SMS: variants seen among roughly 807,000 people sequenced by gnomAD.
The protein encoded by SMS is spermine synthase.
Under a neutral mutation model 33.0 loss-of-function variants are expected in SMS, and 3 were observed. The observed-to-expected ratio is 0.09, with a 90% CI of 0.04 to 0.23. SMS has a LOEUF of 0.23. SMS is among the 10% of genes least tolerant of loss of function. The pLI is 1.00. For synonymous variants in SMS, 103 were observed against 112.2 expected (o/e 0.92, Z 0.52); for missense variants, 117 against 288.6 (o/e 0.41, Z 4.31).
intron 2 of SMS, among the ~76,000 whole-genome samples, chrX:21,969,752 G>A (rs751014543): frequency 1.3e-4 from 15 of 112,659 alleles, no homozygotes; most frequent in East Asian, 2.8e-4. Flanking sequence ...AGAGCTGTTC[G>A]GAAACTGCTT....
intron 1 of SMS, among the ~76,000 whole-genome samples, chrX:21,949,561 CTTTGA>C (rs1246905672): frequency 8.9e-6 from 1 of 112,173 alleles, no homozygotes; most frequent in Non-Finnish European, 1.9e-5. Context: ...TAAAAGGACA[CTTTGA>C]TTTAAGATAT....
intron 1 of SMS, among the ~76,000 whole-genome samples, chrX:21,954,111 G>T (rs1211728191): frequency 9.0e-6 from 1 of 111,412 alleles, no homozygotes; most frequent in African/African-American, 3.3e-5. Flanking sequence ...TTGGTTGTTA[G>T]CTGTTCTTTT....
intron 1 of SMS, among the ~76,000 whole-genome samples, chrX:21,947,054 C>G (rs1490690556): frequency 8.9e-6 from 1 of 111,874 alleles, no homozygotes; most frequent in Non-Finnish European, 1.9e-5. Flanking sequence ...CCCACGCTCC[C>G]CTGTATTTGA....
In SMS at chrX:21,977,243, A is replaced by G; in HGVS notation, c.505+7A>G. 1.7e-6 allele frequency: 2 copies of G among 1,184,794 alleles called. No individual in the cohort carries two copies. The highest frequency in any genetic ancestry group is 3.0e-5 in the East Asian group (1 of 33,755). On this transcript the variant is annotated splice_region_variant and intron_variant, in intron 5 of 10. Transcript: ENST00000404933. The stretch of plus-strand genomic sequence containing the variant: ...ATCCTTAGTGGGGATGTTAGTAAGT[A>G]TTCCATCCCTGCCCCGATCACGTAA...
At chrX:21,982,264 G>T (rs1348831400) in intron 7 of SMS, among the ~76,000 whole-genome samples, 1 of 106,924 alleles carries the variant, frequency 9.4e-6, no homozygotes, top group Non-Finnish European at 1.9e-5. Context: ...CGTGAACCCG[G>T]GAGGCAGAGC....
chrX:21,982,976 C>T (rs1463787448), intron 7 of SMS, among the ~76,000 whole-genome samples: 3 of 111,761 alleles, frequency 2.7e-5, no homozygotes, highest in African/African-American at 9.8e-5. Flanking sequence ...AACTGTGAGG[C>T]TATAAGAAGA....
intron 1 of SMS, among the ~76,000 whole-genome samples, chrX:21,957,359 C>T (rs1286228540): frequency 1.8e-5 from 2 of 109,695 alleles, no homozygotes; most frequent in Non-Finnish European, 3.8e-5. Flanking sequence ...TGCAGTGGCA[C>T]CGTCTCGGCT....
chrX:21,944,544 A>AAAAAAAG (rs1555992699), intron 1 of SMS, among the ~76,000 whole-genome samples: 2 of 99,058 alleles, frequency 2.0e-5, no homozygotes, highest in East Asian at 3.4e-4. Flanking sequence ...AAAAAAAAAA[A>AAAAAAAG]AGAAAAAAAA....
intron 9 of SMS, among the ~76,000 whole-genome samples, chrX:21,990,095 T>G (rs1925658439): frequency 8.9e-6 from 1 of 111,781 alleles, no homozygotes; most frequent in African/African-American, 3.3e-5. Context: ...CAGGGAGACA[T>G]ATTTAAGCTG....
At chrX:21,985,775 TTC>T (rs1925282171) in intron 9 of SMS, among the ~76,000 whole-genome samples, 2 of 111,883 alleles carry the variant, frequency 1.8e-5, no homozygotes, top group Admixed American at 1.9e-4. Flanking sequence ...CTCTGAATTA[TTC>T]TGAGTTTACA....
At chrX:21,990,193 G>T (rs1172813283) in intron 9 of SMS, among the ~76,000 whole-genome samples, 1 of 112,334 alleles carries the variant, frequency 8.9e-6, no homozygotes, top group Non-Finnish European at 1.9e-5. Context: ...CCAGCATTTG[G>T]GGAGGCTAAG....
intron 1 of SMS, among the ~76,000 whole-genome samples, chrX:21,941,961 G>A (rs1291658594): frequency 1.0e-5 from 1 of 99,465 alleles, no homozygotes; most frequent in Non-Finnish European, 2.0e-5. Flanking sequence ...AGTCGGAACT[G>A]TGTGCAGGAA....
At chrX:21,948,716 A>G (rs1347719184) in intron 1 of SMS, among the ~76,000 whole-genome samples, 4 of 111,540 alleles carry the variant, frequency 3.6e-5, no homozygotes, top group African/African-American at 1.3e-4. Flanking sequence ...CCTTTCACAG[A>G]TAAGGATTAG....
chrX:21,957,170 T>C (rs1409619320), intron 1 of SMS, among the ~76,000 whole-genome samples: 1 of 99,915 alleles, frequency 1.0e-5, no homozygotes, highest in Non-Finnish European at 2.0e-5. Flanking sequence ...TTTTTTTTTT[T>C]GCATAAGAAT....
chrX:21,941,608 C>T (rs1444587919), intron 1 of SMS, among the ~76,000 whole-genome samples: 1 of 110,674 alleles, frequency 9.0e-6, no homozygotes, highest in African/African-American at 3.3e-5. Context: ...GACAGCCGGC[C>T]GGGCGCGGTG....
chrX:21,981,284 C>T (rs944636679), intron 7 of SMS, among the ~76,000 whole-genome samples: 2 of 108,709 alleles, frequency 1.8e-5, no homozygotes, highest in Non-Finnish European at 1.9e-5. Flanking sequence ...TGCACCACTG[C>T]ACTCCAGCCT....
chrX:21,984,205 C>T, intron 7 of SMS, 99 bp from the exon 8 acceptor site: 1 of 600,003 alleles, frequency 1.7e-6, no homozygotes, highest in African/African-American at 2.2e-5. Flanking sequence ...TGGATATAAG[C>T]CCATACTTGG....
chrX:21,955,644 CTT>C (rs1922923878), intron 1 of SMS, among the ~76,000 whole-genome samples: 1 of 111,572 alleles, frequency 9.0e-6, no homozygotes, highest in African/African-American at 3.3e-5. Context: ...GTTCTGATCT[CTT>C]TTCCTAATCC....
At chrX:21,991,253 C>T (rs1925740096) in intron 9 of SMS, among the ~76,000 whole-genome samples, 1 of 111,845 alleles carries the variant, frequency 8.9e-6, no homozygotes, top group African/African-American at 3.3e-5. Context: ...TCTCGGCTCA[C>T]TGCAACCTCC....
Sources: gnomAD v4.1 joint callset for allele counts (sites outside exome capture counted in the v4.1 genomes callset) on GRCh38, gnomAD v4.1.1 for gene constraint, MANE v1.5 for transcripts, NCBI Gene and HGNC (gene_info 2026-07-23, HGNC 2026-07-21) for gene names.